Variants in MYO9A observed in about 807,000 individuals in gnomAD.
MYO9A encodes unconventional myosin-IXa.
A neutral mutation model predicts 293.3 loss-of-function variants in MYO9A; 103 were observed. The observed-to-expected ratio is 0.35, with a 90% CI of 0.30 to 0.41. The LOEUF (loss-of-function observed/expected upper bound fraction) is 0.41. MYO9A is among the 10% of genes least tolerant of loss of function. MYO9A has a pLI of 1.00. For synonymous variants in MYO9A, 1,001 were observed against 1,035.7 expected, an observed-to-expected ratio of 0.97 and a Z score of 0.64; for missense variants, 2,685 against 3,033.0, an observed-to-expected ratio of 0.89 and a Z score of 2.69.
At chr15:71,980,868 T>C (rs904405269) in intron 11 of MYO9A, among the ~76,000 whole-genome samples, 3 of 151,928 alleles carry the variant, frequency 2.0e-5, no homozygotes, top group Admixed American at 6.6e-5. Context: ...CAAGCAAAAC[T>C]CTCGGAAAAC....
chr15:72,064,933 A>C (rs866131299), intron 1 of MYO9A, among the ~76,000 whole-genome samples: 2 of 152,300 alleles, frequency 1.3e-5, no homozygotes, highest in African/African-American at 4.8e-5. Context: ...AAGTTGGAGG[A>C]CTTATACTAC....
At chr15:71,948,346 T>C (rs1016323155) in intron 15 of MYO9A, among the ~76,000 whole-genome samples, 2 of 152,208 alleles carry the variant, frequency 1.3e-5, no homozygotes, top group African/African-American at 4.8e-5. Context: ...ATCAGCAAAC[T>C]AGAGTCCATG....
chr15:71,966,726 A>G (rs572082687), intron 13 of MYO9A, among the ~76,000 whole-genome samples: 1 of 152,126 alleles, frequency 6.6e-6, no homozygotes, highest in Non-Finnish European at 1.5e-5. Context: ...TTTCACTTCA[A>G]TTTAAAAAAA....
At chr15:72,041,663 G>T in intron 2 of MYO9A, 1 of 216,218 alleles carries the variant, frequency 4.6e-6, no homozygotes, top group East Asian at 1.1e-4. Context: ...TGGTGAGCTG[G>T]GGAGATGGTA....
At position 72,022,752 on chromosome 15, in the gene MYO9A, T is replaced by C. The variant is rs192779559; in HGVS notation, c.999-1735A>G. On this transcript the variant is annotated intron_variant, in intron 4 of 41. Transcript: ENST00000356056. ...TTGTAGAGACAGAGTCTCCCCGTGT[T>C]GCCCAGGCTGGTCTCGAACTCGTGG... Among the ~76,000 whole-genome samples the C allele has an allele frequency of 4.6e-5, 7 of 152,118 alleles. No homozygotes were observed. In the East Asian group the frequency reaches 1.4e-3, roughly 30 times the overall value.
chr15:71,845,979 CA>C (rs1159607782), intron 39 of MYO9A, among the ~76,000 whole-genome samples: 1 of 152,160 alleles, frequency 6.6e-6, no homozygotes, highest in East Asian at 1.9e-4. Flanking sequence ...TCTGTTACTG[CA>C]AGTGAAACAA....
chr15:71,966,265 A>AGT (rs377708464), intron 13 of MYO9A, among the ~76,000 whole-genome samples: 11,302 of 134,820 alleles, frequency 0.084, 676 homozygotes, highest in African/African-American at 0.17. Context: ...ATCCCAGGCA[A>AGT]GTGTGTGTGT....
Position 71,899,880 on chromosome 15 carries a change from G to T in MYO9A, c.3277C>A (p.Arg1093=), listed in dbSNP as rs758106475. 2 of 1,613,860 alleles carry T rather than the reference G, an allele frequency of 1.2e-6. No individual in the cohort carries two copies. Among genetic ancestry groups the T allele is most frequent in the Non-Finnish European group, 1.7e-6 (2 of 1,180,010 alleles). ...ASWRAHLERQ[R]YLELRAAAIV... ...GCTGCAGCCCGTAACTCCAAGTACC[G>T]CTGCCTCTCTAAGTGAGCACGCCAG... is the stretch of plus-strand genomic sequence containing the variant. Residue 1093 remains arginine, a synonymous_variant, in exon 24 of 42, where the codon CGG becomes AGG. Coordinates refer to ENST00000356056, the MANE Select transcript of MYO9A (RefSeq NM_006901.4).
At position 72,102,378 on chromosome 15, in the gene MYO9A, A is replaced by G. The variant is rs1275198964; in HGVS notation, c.-72+15302T>C. On this transcript the variant is annotated intron_variant, in intron 1 of 41. Coordinates refer to ENST00000356056, the MANE Select transcript of MYO9A (RefSeq NM_006901.4). ...GGCCGCAGGGTCCTCTGCCTAGGAA[A>G]ACCAGAGACCTTTGTTCACTTGTTT... Among the ~76,000 whole-genome samples the G allele has an allele frequency of 1.6e-3, 245 of 150,386 alleles. 2 individuals are homozygous for G. The highest frequency in any genetic ancestry group is 2.7e-3 in the Non-Finnish European group (180 of 67,158).
chr15:71,887,896 A>C (rs549596418), intron 27 of MYO9A, 108 bp downstream of exon 27: 4 of 548,534 alleles, frequency 7.3e-6, no homozygotes, highest in African/African-American at 5.9e-5. Context: ...GTTTAATTTC[A>C]AAAGTGGCCT....
In MYO9A at chr15:72,007,841, G is replaced by C. The variant is rs2077059885; in HGVS notation, c.1365C>G (p.Val455=). ...AATCACTCACCTCTAATAATTCTGA[G>C]ACAATAGGCAGAACTTCAGGATTAC... is the stretch of plus-strand genomic sequence containing the variant. The part of the protein sequence containing the change: ...DICNPEVLPI[V]SELLEVKEEM... Residue 455 remains valine (V), a synonymous_variant, in exon 8 of 42, where the codon GTC becomes GTG. Transcript: ENST00000356056. 3 of 1,610,456 alleles carry C rather than the reference G, an allele frequency of 1.9e-6. No individual in the cohort carries two copies. Among genetic ancestry groups the C allele is most frequent in the Non-Finnish European group, 2.5e-6 (3 of 1,178,992 alleles).
chr15:71,836,186 GAC>G (rs1289610885), intron 39 of MYO9A, among the ~76,000 whole-genome samples: 1 of 152,000 alleles, frequency 6.6e-6, no homozygotes, highest in Non-Finnish European at 1.5e-5. Context: ...ATCAGAAAAA[GAC>G]AGACAATCCA....
chr15:72,059,761 G>A (rs1363854692), intron 1 of MYO9A, among the ~76,000 whole-genome samples: 1 of 152,060 alleles, frequency 6.6e-6, no homozygotes, highest in African/African-American at 2.4e-5. Context: ...TAAATGTTCA[G>A]GAAAAGCATC....
At chr15:71,994,027 A>C (rs2076623303) in intron 10 of MYO9A, among the ~76,000 whole-genome samples, 1 of 152,144 alleles carries the variant, frequency 6.6e-6, no homozygotes, top group Non-Finnish European at 1.5e-5. Flanking sequence ...AGGTAAGTAA[A>C]AGAATATTTG....
intron 22 of MYO9A, 77 bp from the exon 23 acceptor site, chr15:71,901,417 G>A (rs2057480280): frequency 3.5e-6 from 5 of 1,434,634 alleles, no homozygotes; most frequent in Middle Eastern, 1.8e-4. Flanking sequence ...TCCTTTCTGT[G>A]ATAAGCTTTT....
Position 71,854,527 on chromosome 15 carries a change from A to G in MYO9A, c.6196T>C (p.Ser2066Pro), listed in dbSNP as rs1325689991. 2 of 1,610,026 alleles carry G rather than the reference A, an allele frequency of 1.2e-6. No individual in the cohort carries two copies. Among genetic ancestry groups the G allele is most frequent in the African/African-American group, 2.7e-5 (2 of 74,780 alleles). ...GTTCGGTCTTCACTGGTCAAACGGG[A>G]CAGTTCAACCCCAAATTGTCGAGAT... Reference protein sequence around the residue: ...LSSRQFGVELSRLTSEDRTVP... With the variant: ...LSSRQFGVELPRLTSEDRTVP... The change falls in exon 35 of 42, where the codon TCC becomes CCC. Residue 2066 changes from serine (S) to proline (P), a missense_variant. Physicochemically the swap from Ser to Pro is moderately conservative, Grantham distance 74 (BLOSUM62 -1). Around this residue, in one of 10 missense-constraint regions of MYO9A, gnomAD observed 238 missense variants for 269.1 expected, o/e 0.88. Transcript: ENST00000356056.
chr15:71,880,388 T>A lies in MYO9A; in HGVS notation c.5569A>T (p.Ile1857Phe). 6.2e-7 allele frequency: 1 copy of A among 1,614,236 alleles called. No homozygotes were observed. ...TTTAAATCACTGACACTTGCTATGA[T>A]CTGGACAGAGTCATTTTGCCAATGC... ...SMHWQNDSVQ[I>F]IASVSDLKSM... The change falls in exon 29 of 42, where the codon ATC becomes TTC. Residue 1857 changes from isoleucine to phenylalanine, a missense_variant. Coordinates refer to ENST00000356056, the MANE Select transcript of MYO9A (RefSeq NM_006901.4).
chr15:71,935,190 C>T (rs1312781786), intron 17 of MYO9A, 151 bp downstream of exon 17: 2 of 823,836 alleles, frequency 2.4e-6, no homozygotes, highest in East Asian at 5.4e-5. Flanking sequence ...GTAAACGCTA[C>T]CTAAATAACT....
chr15:72,076,037 C>T (rs951412240), intron 1 of MYO9A, among the ~76,000 whole-genome samples: 2 of 152,088 alleles, frequency 1.3e-5, no homozygotes, highest in Non-Finnish European at 2.9e-5. Context: ...GGCGTGGTGG[C>T]TCATGTCTGT....
Sources: allele counts gnomAD v4.1 joint callset (sites outside exome capture counted in the v4.1 genomes callset), GRCh38; gene constraint gnomAD v4.1.1; regional missense constraint gnomAD v4.1.1; transcripts MANE v1.5; gene names NCBI Gene and HGNC (gene_info 2026-07-23, HGNC 2026-07-21).